The following NOB1 variants were observed in gnomAD, a reference collection of about 807,000 sequenced individuals.
NOB1 encodes the protein NIN1 (RPN12) binding protein 1 homolog.
In NOB1, 44 loss-of-function variants were observed where a neutral mutation model predicts 44.8. The observed-to-expected ratio is 0.98, with a 90% CI of 0.77 to 1.26. NOB1 has a LOEUF of 1.26. Ranked by LOEUF, NOB1 falls within the 50% of genes most tolerant of loss-of-function variation. The pLI is 0.00. For missense variants in NOB1, 560 were observed against 544.8 expected, an observed-to-expected ratio of 1.03 and a Z score of -0.28; for synonymous variants, 238 against 218.7, an observed-to-expected ratio of 1.09 and a Z score of -0.78.
chr16:69,750,614 G>A (rs533860473), intron 3 of NOB1, among the ~76,000 whole-genome samples: 11 of 152,250 alleles, frequency 7.2e-5, no homozygotes, highest in African/African-American at 2.6e-4. Context: ...GGTGATGACA[G>A]GATCCTGTCT....
At chr16:69,748,519 G>A (rs1374561402) in intron 6 of NOB1, among the ~76,000 whole-genome samples, 190 bp from the exon 7 acceptor site, 1 of 152,104 alleles carries the variant, frequency 6.6e-6, no homozygotes, top group Non-Finnish European at 1.5e-5. Flanking sequence ...ACACCGTCCT[G>A]GAGCCTGTGT....
intron 2 of NOB1, among the ~76,000 whole-genome samples, chr16:69,753,300 T>C (rs1163602490): frequency 1.3e-5 from 2 of 152,234 alleles, no homozygotes; most frequent in Non-Finnish European, 2.9e-5. Flanking sequence ...TAGTAGTCTA[T>C]GAGGAAACAA....
intron 7 of NOB1, among the ~76,000 whole-genome samples, chr16:69,746,861 T>C (rs1389511386): frequency 6.7e-6 from 1 of 148,678 alleles, no homozygotes; most frequent in Non-Finnish European, 1.5e-5. Flanking sequence ...GAGCCTAGAC[T>C]GTGCCACTGC....
rs148140126 is a variant in NOB1 at position 69,749,064 on chromosome 16, A to T, written c.580T>A (p.Phe194Ile). The T allele has an allele frequency of 5.6e-6, 9 of 1,614,160 alleles. No homozygotes were observed. The highest frequency in any genetic ancestry group is 1.6e-4 in the Middle Eastern group (1 of 6,062). Residue 194 changes from phenylalanine (F) to isoleucine (I), a missense_variant, in exon 6 of 9, where the codon TTT becomes ATT. Transcript: ENST00000268802. ...TCGCTGTCATCTTTTCTGTCTTCAA[A>T]CCCGTTTTCTTCCTCCTCCTCCTCC... ...SEEEEEEENG[F>I]EDRKDDSDDD... is the part of the protein sequence containing the mutation.
intron 8 of NOB1, 93 bp downstream of exon 8, chr16:69,744,780 A>G: frequency 7.1e-7 from 1 of 1,413,644 alleles, no homozygotes. Context: ...TCAATCGCCC[A>G]TCTTGCAGAA....
At position 69,742,101 on chromosome 16, in the gene NOB1, T is replaced by G. The variant is rs111261140; in HGVS notation, c.*231A>C. 10 of 497,500 alleles carry G rather than the reference T, an allele frequency of 2.0e-5. No homozygotes were observed. The highest frequency in any genetic ancestry group is 3.6e-5 in the Non-Finnish European group (10 of 279,914). 30.8% of individuals were successfully genotyped at this position (497,500 alleles called of 1,614,324 possible). On this transcript the variant is annotated 3_prime_UTR_variant, in exon 9 of 9. Transcript: ENST00000268802. ...GCTCCAGGGCGTTGTTCTTTCTGTTTTTATGCAATTGCACTTCCTTGGCAG... is the reference window on the plus strand; with the variant it reads ...GCTCCAGGGCGTTGTTCTTTCTGTTGTTATGCAATTGCACTTCCTTGGCAG...
intron 8 of NOB1, 69 bp downstream of exon 8, chr16:69,744,804 G>C (rs1402650721): frequency 6.5e-7 from 1 of 1,545,602 alleles, no homozygotes. Flanking sequence ...ACTAGACTAG[G>C]TTTTCTTTTG....
rs1185439446 is a variant in NOB1 at position 69,749,326 on chromosome 16, G to A, written c.412C>T (p.Gln138Ter). 1.3e-6 allele frequency: 2 copies of A among 1,595,484 alleles called. No individual in the cohort carries two copies. The highest frequency in any genetic ancestry group is 1.7e-6 in the Non-Finnish European group (2 of 1,175,410). Reference sequence around the variant, plus strand: ...GCTGAGTGTCCTTTTTCTGTTTCTTGTGGGGGTTTAGGCTGAAATTAAAAG... The same window carrying A: ...GCTGAGTGTCCTTTTTCTGTTTCTTATGGGGGTTTAGGCTGAAATTAAAAG... ...FHLPYKPKPP[Q>*]ETEKGHSACE... Residue 138 changes from glutamine (Q) to a stop codon, truncating the protein, a stop_gained, in exon 5 of 9, where the codon CAA becomes TAA. Transcript: ENST00000268802. LOFTEE classifies it high-confidence loss of function.
chr16:69,746,329 TGCCACCCTAGAGTAGGTCCTCAG>T (rs1426513515), intron 7 of NOB1, among the ~76,000 whole-genome samples: 1 of 152,222 alleles, frequency 6.6e-6, no homozygotes, highest in African/African-American at 2.4e-5. Flanking sequence ...GAATGGCAGA[TGCCACCCTAGAGTAGGTCCTCAG>T]GCCACACTCC....
At chr16:69,752,185 T>C in intron 3 of NOB1, 56 bp downstream of exon 3, 1 of 1,554,760 alleles carries the variant, frequency 6.4e-7, no homozygotes, top group Non-Finnish European at 8.8e-7. Context: ...TCTACTTTTG[T>C]ATACCTGACA....
chr16:69,751,832 C>T (rs955364790), intron 3 of NOB1, among the ~76,000 whole-genome samples: 3 of 152,214 alleles, frequency 2.0e-5, no homozygotes, highest in Admixed American at 1.3e-4. Context: ...GAGGCCGAGG[C>T]GGGCGCATCA....
intron 3 of NOB1, among the ~76,000 whole-genome samples, chr16:69,749,910 G>A (rs1460528255): frequency 3.3e-5 from 5 of 151,458 alleles, no homozygotes; most frequent in Admixed American, 6.6e-5. Flanking sequence ...ACCGGGAGGC[G>A]GAGGTTGCAG....
At chr16:69,746,358 A>C (rs1469242426) in intron 7 of NOB1, among the ~76,000 whole-genome samples, 1 of 152,062 alleles carries the variant, frequency 6.6e-6, no homozygotes, top group East Asian at 1.9e-4. Context: ...CTCAGGCCAC[A>C]CTCCACCAGC....
chr16:69,743,789 T>C (rs1011458256), intron 8 of NOB1, among the ~76,000 whole-genome samples: 2 of 152,202 alleles, frequency 1.3e-5, no homozygotes, highest in Non-Finnish European at 2.9e-5. Flanking sequence ...GAAAGGAAAT[T>C]TGTGGAACAA....
At chr16:69,749,437 C>A in intron 4 of NOB1, 99 bp from the exon 5 acceptor site, 1 of 1,546,854 alleles carries the variant, frequency 6.5e-7, no homozygotes. Flanking sequence ...TCAGATCAGA[C>A]AGGGCTGGAC....
chr16:69,746,531 G>A (rs758105236), intron 7 of NOB1, among the ~76,000 whole-genome samples: 1 of 152,204 alleles, frequency 6.6e-6, no homozygotes, highest in Non-Finnish European at 1.5e-5. Context: ...CGATAGGCAC[G>A]CTGCTTATGT....
intron 7 of NOB1, among the ~76,000 whole-genome samples, chr16:69,745,718 C>T (rs894522573): frequency 6.6e-6 from 1 of 152,200 alleles, no homozygotes; most frequent in Non-Finnish European, 1.5e-5. Context: ...TGGCCCTGGT[C>T]CCTGTCCTTG....
chr16:69,742,510 T>A lies in NOB1; in HGVS notation c.1061A>T (p.Lys354Met), dbSNP rs200699147. Residue 354 changes from lysine (K) to methionine (M), a missense_variant, in exon 9 of 9, where the codon AAG becomes ATG. Lys to Met is a moderately conservative substitution (Grantham distance 95). Transcript: ENST00000268802. ...QRFPQLRLSQ[K>M]ARQKTNVFAP... is the part of the protein sequence containing the mutation. ...GAACACGTTGGTTTTCTGCCTGGCC[T>A]TTTGGGAGAGTCGCAGCTGAGGGAA... The A allele has an allele frequency of 1.9e-6, 3 of 1,614,120 alleles. No individual in the cohort carries two copies. The Admixed American group carries it at 5.0e-5, about 27-fold the overall frequency.
chr16:69,745,003 A>G lies in NOB1; in HGVS notation c.839T>C (p.Met280Thr), dbSNP rs764073447. The change falls in exon 8 of 9, where the codon ATG becomes ACG. Residue 280 changes from methionine (M) to threonine (T), a missense_variant. Met to Thr is a moderately conservative substitution (Grantham distance 81). Transcript: ENST00000268802. The stretch of plus-strand genomic sequence containing the variant: ...ACAGTGTGAGCAGAACACTCGGCTC[A>G]TGTCAGACGTTGTCCTGGGAGACAC... Reference protein sequence around the residue: ...CHGCFKTTSDMSRVFCSHCGN... With the variant: ...CHGCFKTTSDTSRVFCSHCGN... 6.2e-6 allele frequency: 10 copies of G among 1,614,122 alleles called. No individual in the cohort carries two copies. The South Asian group carries it at 7.7e-5, about 12-fold the overall frequency.
Sources: gnomAD v4.1 joint callset for allele counts (sites outside exome capture counted in the v4.1 genomes callset) on GRCh38, gnomAD v4.1.1 for gene constraint, MANE v1.5 for transcripts, NCBI Gene and HGNC (gene_info 2026-07-23, HGNC 2026-07-21) for gene names.